The following CMPK1 variants were observed in gnomAD, a reference collection of about 807,000 sequenced individuals.
CMPK1 encodes UMP-CMP kinase.
In CMPK1, 10 loss-of-function variants were observed where a neutral mutation model predicts 25.7. That is an observed-to-expected ratio of 0.39 (90% CI 0.24 to 0.66). The LOEUF (loss-of-function observed/expected upper bound fraction) is 0.66. Among genes scored for constraint, CMPK1 ranks in the 30% least tolerant of loss-of-function variants. The pLI is 0.48. For synonymous variants in CMPK1, 106 were observed against 101.5 expected (o/e 1.04, Z -0.27); for missense variants, 199 against 280.5 (o/e 0.71, Z 2.08).
chr1:47,372,140 C>G (rs954420882), intron 2 of CMPK1, among the ~76,000 whole-genome samples: 2 of 150,862 alleles, frequency 1.3e-5, no homozygotes, highest in Non-Finnish European at 1.5e-5. Flanking sequence ...GTCCGCCAGG[C>G]TGGAGTGCTG....
chr1:47,339,014 C>T (rs193201395), intron 1 of CMPK1, among the ~76,000 whole-genome samples: 2 of 151,646 alleles, frequency 1.3e-5, no homozygotes, highest in Admixed American at 1.3e-4. Context: ...AGCTTATAAC[C>T]ATGCCAAATT....
chr1:47,342,068 G>A (rs1037858696), intron 1 of CMPK1, among the ~76,000 whole-genome samples: 4 of 151,632 alleles, frequency 2.6e-5, no homozygotes, highest in Non-Finnish European at 5.9e-5. Context: ...ACACCACCAG[G>A]CCTGGCTAAT....
intron 1 of CMPK1, among the ~76,000 whole-genome samples, chr1:47,351,305 T>C (rs1646521215): frequency 1.3e-5 from 2 of 152,132 alleles, no homozygotes; most frequent in African/African-American, 4.8e-5. Context: ...GGTCTCGATC[T>C]CCTGACCTTG....
At chr1:47,346,342 G>A (rs556206931) in intron 1 of CMPK1, among the ~76,000 whole-genome samples, 1 of 152,130 alleles carries the variant, frequency 6.6e-6, no homozygotes, top group South Asian at 2.1e-4. Flanking sequence ...TCCCAGGCAT[G>A]AGCTACTGCG....
intron 1 of CMPK1, among the ~76,000 whole-genome samples, chr1:47,367,816 G>A (rs1043197426): frequency 6.6e-6 from 1 of 152,218 alleles, no homozygotes; most frequent in Non-Finnish European, 1.5e-5. Context: ...CACCCAGGCT[G>A]GAGGGCAGTG....
Position 47,334,069 on chromosome 1 carries a change from G to C in CMPK1, c.124G>C (p.Gly42Arg), listed in dbSNP as rs1646376928. Residue 42 changes from glycine (G) to arginine (R), a missense_variant, in exon 1 of 6, where the codon GGC becomes CGC. Gly to Arg is a moderately radical substitution (Grantham distance 125). Transcript: ENST00000371873. ...LMKPLVVFVL[G>R]GPGAGKGTQC... ...GAAGCCGCTGGTCGTGTTCGTCCTC[G>C]GCGGCCCCGGCGCCGGCAAGGGGAC... The C allele has an allele frequency of 2.6e-6, 4 of 1,540,910 alleles. No individual in the cohort carries two copies. The highest frequency in any genetic ancestry group is 3.5e-6 in the Non-Finnish European group (4 of 1,142,916).
At chr1:47,365,289 C>CT (rs370859830) in intron 1 of CMPK1, among the ~76,000 whole-genome samples, 296 of 88,510 alleles carry the variant, frequency 3.3e-3, no homozygotes, top group African/African-American at 0.012. Flanking sequence ...TTTTTTTTGT[C>CT]TTGTGTTTTC....
chr1:47,352,207 G>A (rs1646527753), intron 1 of CMPK1, among the ~76,000 whole-genome samples: 2 of 152,144 alleles, frequency 1.3e-5, no homozygotes, highest in South Asian at 4.1e-4. Flanking sequence ...CGAGCTGTAA[G>A]AGTTTATATA....
intron 1 of CMPK1, among the ~76,000 whole-genome samples, chr1:47,359,379 CTTTTTTCTTTTTTT>C (rs1226289660): frequency 1.1e-5 from 1 of 93,582 alleles, no homozygotes; most frequent in Non-Finnish European, 2.1e-5. Flanking sequence ...GTTAAGAAAC[CTTTTTTCTTTTTTT>C]TTTTTTTTTT....
chr1:47,334,008 C>G lies in CMPK1; in HGVS notation c.63C>G (p.Thr21=), dbSNP rs1462105497. The change falls in exon 1 of 6, where the codon ACC becomes ACG. Residue 21 remains threonine, a synonymous_variant. Transcript: ENST00000371873. ...HVLGLSFLLQ[T]RRPILLCSPR... ...TGGGCCTTAGCTTCCTGCTGCAGAC[C>G]CGCCGGCCGATTCTCCTCTGCTCTC... 3.2e-6 allele frequency: 5 copies of G among 1,548,924 alleles called. No individual in the cohort carries two copies. Among genetic ancestry groups the G allele is most frequent in the Non-Finnish European group, 4.4e-6 (5 of 1,147,678 alleles).
chr1:47,335,100 C>T (rs182658321), intron 1 of CMPK1, among the ~76,000 whole-genome samples: 4 of 152,236 alleles, frequency 2.6e-5, no homozygotes, highest in Non-Finnish European at 5.9e-5. Context: ...ACAGAAGAGG[C>T]GACCATTGGT....
chr1:47,361,929 G>A (rs1646605805), intron 1 of CMPK1, among the ~76,000 whole-genome samples: 1 of 143,036 alleles, frequency 7.0e-6, no homozygotes, highest in Non-Finnish European at 1.5e-5. Context: ...GGAGTGCAAT[G>A]GCGCGATCTT....
chr1:47,347,116 C>T (rs1646490761), intron 1 of CMPK1, among the ~76,000 whole-genome samples: 1 of 151,544 alleles, frequency 6.6e-6, no homozygotes, highest in South Asian at 2.1e-4. Flanking sequence ...CTTTCCCTTC[C>T]TCCTTCTGTT....
chr1:47,369,909 C>CTCTCT (rs1485648990), intron 2 of CMPK1, among the ~76,000 whole-genome samples: 3 of 93,698 alleles, frequency 3.2e-5, no homozygotes, highest in African/African-American at 1.2e-4. Flanking sequence ...CTTTCTCTCT[C>CTCTCT]TTTTTTTTTT....
chr1:47,377,076 A>C lies in CMPK1; in HGVS notation c.*331A>C. ...AGTACGCGTATATATCCCTCTAGTA[A>C]TCACAACATTTTAGGATTTAGGGAT... On this transcript the variant is annotated 3_prime_UTR_variant, in exon 6 of 6. Transcript: ENST00000371873. 5.6e-6 allele frequency: 1 copy of C among 178,206 alleles called. No individual in the cohort carries two copies. Among genetic ancestry groups the C allele is most frequent in the Non-Finnish European group, 1.2e-5 (1 of 85,062 alleles). 11.0% of individuals were successfully genotyped at this position (178,206 alleles called of 1,614,324 possible). A position where few individuals can be genotyped will look rare whatever the true frequency, so the allele number is the denominator to read the frequency against.
chr1:47,343,994 A>G (rs1467076994), intron 1 of CMPK1, among the ~76,000 whole-genome samples: 3 of 151,954 alleles, frequency 2.0e-5, no homozygotes, highest in Non-Finnish European at 4.4e-5. Flanking sequence ...CCTGAGAAAG[A>G]GAATTCAAGG....
intron 1 of CMPK1, among the ~76,000 whole-genome samples, chr1:47,337,481 T>A (rs920117353): frequency 2.0e-5 from 3 of 152,210 alleles, no homozygotes; most frequent in Non-Finnish European, 4.4e-5. Context: ...TAAACTGTTA[T>A]CTTCTTTAAT....
At chr1:47,359,846 G>A (rs893181794) in intron 1 of CMPK1, among the ~76,000 whole-genome samples, 1 of 152,110 alleles carries the variant, frequency 6.6e-6, no homozygotes, top group African/African-American at 2.4e-5. Flanking sequence ...AGTAGGAGAG[G>A]CTAGGCCTTC....
chr1:47,352,528 T>TG (rs113139935), intron 1 of CMPK1, among the ~76,000 whole-genome samples: 64,113 of 150,768 alleles, frequency 0.43, 15,663 homozygotes, highest in Middle Eastern at 0.55. Context: ...TGGGGAGGGA[T>TG]AGGGGGTCAC....
Sources: gnomAD v4.1 joint callset for allele counts (sites outside exome capture counted in the v4.1 genomes callset) on GRCh38, gnomAD v4.1.1 for gene constraint, MANE v1.5 for transcripts, NCBI Gene and HGNC (gene_info 2026-07-23, HGNC 2026-07-21) for gene names.